The following C1QTNF4 variants were observed in gnomAD, a reference collection of about 807,000 sequenced individuals.
C1QTNF4 encodes the protein complement C1q tumor necrosis factor-related protein 4.
In C1QTNF4, 12 loss-of-function variants were observed where a neutral mutation model predicts 14.6. The observed-to-expected ratio is 0.82, with a 90% CI of 0.53 to 1.33. The LOEUF (loss-of-function observed/expected upper bound fraction) is 1.33. Among genes scored for constraint, C1QTNF4 ranks in the 40% most tolerant of loss-of-function variants. The probability of loss-of-function intolerance (pLI) is 0.00; values close to 1 mark genes in which losing one functional copy is unlikely to be tolerated. For missense variants in C1QTNF4, 558 were observed against 500.3 expected, an observed-to-expected ratio of 1.12 and a Z score of -1.10; for synonymous variants, 278 against 246.6, an observed-to-expected ratio of 1.13 and a Z score of -1.19.
chr11:47,592,314 G>T (rs2153796163), intron 1 of C1QTNF4, among the ~76,000 whole-genome samples: 1 of 152,286 alleles, frequency 6.6e-6, no homozygotes, highest in South Asian at 2.1e-4. Context: ...GTGAAACCTT[G>T]GGCAGGTTCC....
In C1QTNF4 at chr11:47,590,174, C is replaced by A. The variant is rs1407002241; in HGVS notation, c.637G>T (p.Asp213Tyr). ...AACACGCCGGCCGCCGCGTCGAAGT[C>A]GCCGCCAATGTTGACGAACTCGGTG... ...FDTEFVNIGG[D>Y]FDAAAGVFRC... The change falls in exon 2 of 2, where the codon GAC (aspartate) becomes TAC (tyrosine). Residue 213 changes from aspartate to tyrosine, a missense_variant. Coordinates refer to ENST00000302514, the MANE Select transcript of C1QTNF4 (RefSeq NM_031909.3). The A allele has an allele frequency of 6.2e-7, 1 of 1,600,258 alleles. No individual in the cohort carries two copies. The highest frequency in any genetic ancestry group is 1.7e-5 in the Admixed American group (1 of 58,098).
chr11:47,590,238 G>A lies in C1QTNF4; in HGVS notation c.573C>T (p.Asp191=), dbSNP rs770728499. 2 of 1,503,104 alleles carry A rather than the reference G, an allele frequency of 1.3e-6. No individual in the cohort carries two copies. The highest frequency in any genetic ancestry group is 1.8e-6 in the Non-Finnish European group (2 of 1,134,764). The allele number at this position is 1,503,104 out of a possible 1,614,324, so 93.1% of individuals were successfully genotyped here. A position where few individuals can be genotyped will look rare whatever the true frequency, so the allele number is the denominator to read the frequency against. Residue 191 remains aspartate, a synonymous_variant, in exon 2 of 2, where the codon GAC becomes GAT. Transcript: ENST00000302514. ...GTTGGTGCCGCGGCCCGGGGCCAGCGTCCGAGCCCACCAAGCTGCGCGTGC... is the reference window on the plus strand; with the variant it reads ...GTTGGTGCCGCGGCCCGGGGCCAGCATCCGAGCCCACCAAGCTGCGCGTGC... ...AARTRSLVGS[D]AGPGPRHQPL...
In C1QTNF4 at chr11:47,589,785, CCCCTGGCCCTCCCGGGCTCTT is replaced by C; in HGVS notation, c.*15_*35del. 5 of 1,470,280 alleles carry C rather than the reference CCCCTGGCCCTCCCGGGCTCTT, an allele frequency of 3.4e-6. No individual in the cohort carries two copies. The South Asian group carries it at 4.2e-5, about 12-fold the overall frequency. The allele number at this position is 1,470,280 out of a possible 1,614,324, so 91.1% of individuals were successfully genotyped here. A position where few individuals can be genotyped will look rare whatever the true frequency, so the allele number is the denominator to read the frequency against. ...CCTCCGGCCCGGCCTGGCATGCACG[CCCCTGGCCCTCCCGGGCTCTT>C]CTCTGGCCCGGGGCTCACAGTAGCT... On this transcript the variant is annotated 3_prime_UTR_variant, in exon 2 of 2. Coordinates refer to ENST00000302514, the MANE Select transcript of C1QTNF4 (RefSeq NM_031909.3).
chr11:47,589,923 G>A lies in C1QTNF4; in HGVS notation c.888C>T (p.Ala296=), dbSNP rs774019134. ...TGATGTACTTGCCGTGGTTGCTGTA[G>A]GCGCCGTAGCCGTCGTGGTCGTGGC... ...LLSHDHDGYG[A]YSNHGKYITF... Residue 296 remains alanine, a synonymous_variant, in exon 2 of 2, where the codon GCC becomes GCT. Coordinates refer to ENST00000302514, the MANE Select transcript of C1QTNF4 (RefSeq NM_031909.3). 2 of 1,601,716 alleles carry A rather than the reference G, an allele frequency of 1.2e-6. No individual in the cohort carries two copies. The highest frequency in any genetic ancestry group is 2.3e-5 in the East Asian group (1 of 43,840).
In C1QTNF4 at chr11:47,589,881, C is replaced by T. The variant is rs1565947627; in HGVS notation, c.930G>A (p.Leu310=). Residue 310 remains leucine, a synonymous_variant, in exon 2 of 2, where the codon CTG becomes CTA. Transcript: ENST00000302514. ...CGGCGGGGGCGAGGTCGGGGTACAC[C>T]AGGAAGCCGGAGAAGGTGATGTACT... The part of the protein sequence containing the change: ...HGKYITFSGF[L]VYPDLAPAAP... The T allele has an allele frequency of 6.4e-7, 1 of 1,561,156 alleles. No homozygotes were observed. Among genetic ancestry groups the T allele is most frequent in the South Asian group, 1.2e-5 (1 of 85,980 alleles).
At chr11:47,590,973 G>T (rs1480559978) in intron 1 of C1QTNF4, among the ~76,000 whole-genome samples, 158 bp from the exon 2 acceptor site, 3 of 152,146 alleles carry the variant, frequency 2.0e-5, no homozygotes, top group Admixed American at 1.3e-4. Context: ...AAACTCTAGC[G>T]AGCCTCACTG....
At position 47,590,014 on chromosome 11, in the gene C1QTNF4, C is replaced by T. The variant is rs2097274333; in HGVS notation, c.797G>A (p.Arg266His). The part of the protein sequence containing the change: ...AMIYDDGASR[R>H]REMQSQSVML... ...CACGCTCTGGCTCTGCATCTCGCGG[C>T]GCCGCGACGCGCCGTCGTCGTAAAT... Residue 266 changes from arginine to histidine, a missense_variant, in exon 2 of 2, where the codon CGC becomes CAC. Coordinates refer to ENST00000302514, the MANE Select transcript of C1QTNF4 (RefSeq NM_031909.3). 1 of 1,611,576 alleles carries T rather than the reference C, an allele frequency of 6.2e-7. No individual in the cohort carries two copies. The highest frequency in any genetic ancestry group is 2.2e-5 in the East Asian group (1 of 44,744).
Position 47,589,820 on chromosome 11 carries a change from C to T in C1QTNF4, c.*1G>A. Reference sequence around the variant, plus strand: ...TCCCGGGCTCTTCTCTGGCCCGGGGCTCACAGTAGCTCCGAGGCCCCGAGG... The same window carrying T: ...TCCCGGGCTCTTCTCTGGCCCGGGGTTCACAGTAGCTCCGAGGCCCCGAGG... On this transcript the variant is annotated 3_prime_UTR_variant, in exon 2 of 2. Transcript: ENST00000302514. 6.5e-7 allele frequency: 1 copy of T among 1,528,926 alleles called. No individual in the cohort carries two copies. Among genetic ancestry groups the T allele is most frequent in the Non-Finnish European group, 8.8e-7 (1 of 1,135,582 alleles). The allele number at this position is 1,528,926 out of a possible 1,614,324, so 94.7% of individuals were successfully genotyped here.
intron 1 of C1QTNF4, among the ~76,000 whole-genome samples, chr11:47,593,258 G>C (rs2097276477): frequency 6.6e-6 from 1 of 152,194 alleles, no homozygotes; most frequent in East Asian, 1.9e-4. Context: ...CAGCCAATTT[G>C]TTCTGTGCCT....
intron 1 of C1QTNF4, 88 bp from the exon 2 acceptor site, chr11:47,590,903 T>C: frequency 2.8e-6 from 4 of 1,426,460 alleles, no homozygotes; most frequent in Non-Finnish European, 3.7e-6. Context: ...AAGGGTTCTC[T>C]TCCCAGCCCT....
chr11:47,590,747 C>CG lies in C1QTNF4; in HGVS notation c.63dup (p.Gly22ArgfsTer6). ...GAGCGCAGCTCAGAGGATCCCGGGC[C>CG]GGGGGTCGGGCCCAGGGCCCAGCAG... On this transcript the variant is annotated frameshift_variant, in exon 2 of 2. Transcript: ENST00000302514. LOFTEE classifies it high-confidence loss of function. 6.3e-7 allele frequency: 1 copy of CG among 1,598,406 alleles called. No individual in the cohort carries two copies. Among genetic ancestry groups the CG allele is most frequent in the Admixed American group, 1.7e-5 (1 of 58,200 alleles).
Position 47,590,329 on chromosome 11 carries a change from T to A in C1QTNF4, c.482A>T (p.Asp161Val). Reference protein sequence around the residue: ...FSGYLVYADADADAPARGPPA... With the variant: ...FSGYLVYADAVADAPARGPPA... The stretch of plus-strand genomic sequence containing the variant: ...CGGCCCGCGCGCAGGCGCGTCAGCG[T>A]CGGCGTCGGCGTAGACTAGGTAGCC... The change falls in exon 2 of 2, where the codon GAC becomes GTC. Residue 161 changes from aspartate (D) to valine (V), a missense_variant. By Grantham distance (152) the Asp-to-Val change is radical. Coordinates refer to ENST00000302514, the MANE Select transcript of C1QTNF4 (RefSeq NM_031909.3). 7.8e-7 allele frequency: 1 copy of A among 1,286,574 alleles called. No individual in the cohort carries two copies. The highest frequency in any genetic ancestry group is 9.8e-7 in the Non-Finnish European group (1 of 1,018,072). 79.7% of individuals were successfully genotyped at this position (1,286,574 alleles called of 1,614,324 possible).
intron 1 of C1QTNF4, 70 bp from the exon 2 acceptor site, chr11:47,590,885 C>T (rs1445785844): frequency 7.7e-6 from 11 of 1,430,526 alleles, no homozygotes; most frequent in East Asian, 2.5e-5. Flanking sequence ...GGCTCTCCAC[C>T]GGGAGACAAG....
chr11:47,595,042 A>G (rs1265306223), upstream of C1QTNF4, among the ~76,000 whole-genome samples: 5 of 151,988 alleles, frequency 3.3e-5, no homozygotes, highest in African/African-American at 9.7e-5. Context: ...TGAGAGGGCA[A>G]TAGGTGGGGA....
At position 47,590,293 on chromosome 11, in the gene C1QTNF4, G is replaced by T. The variant is rs1191906443; in HGVS notation, c.518C>A (p.Pro173His). 57 of 1,167,842 alleles carry T rather than the reference G, an allele frequency of 4.9e-5. No homozygotes were observed. Among genetic ancestry groups the T allele is most frequent in the East Asian group, 1.8e-4 (4 of 22,232 alleles). 72.3% of individuals were successfully genotyped at this position (1,167,842 alleles called of 1,614,324 possible). A position where few individuals can be genotyped will look rare whatever the true frequency, so the allele number is the denominator to read the frequency against. The part of the protein sequence containing the change: ...DAPARGPPAP[P>H]EPRSAFSAAR... ...CGCCGAGAAGGCCGAGCGCGGCTCGGGGGGCGCGGGCGGCCCGCGCGCAGG... is the reference window on the plus strand; with the variant it reads ...CGCCGAGAAGGCCGAGCGCGGCTCGTGGGGCGCGGGCGGCCCGCGCGCAGG... Residue 173 changes from proline (P) to histidine (H), a missense_variant, in exon 2 of 2, where the codon CCC becomes CAC. Coordinates refer to ENST00000302514, the MANE Select transcript of C1QTNF4 (RefSeq NM_031909.3).
rs1469197291 is a variant in C1QTNF4, at chr11:47,590,541, C to A, written c.270G>T (p.Leu90=). Residue 90 remains leucine (L), a synonymous_variant, in exon 2 of 2, where the codon CTG becomes CTT. Coordinates refer to ENST00000302514, the MANE Select transcript of C1QTNF4 (RefSeq NM_031909.3). ...FTAGKAPHKS[L]SVMLVRNRDE... is the part of the protein sequence containing the mutation. ...CGCGGTTTCGCACCAGCATCACCGACAGGCTCTTGTGCGGGGCCTTGCCAG... is the reference window on the plus strand; with the variant it reads ...CGCGGTTTCGCACCAGCATCACCGAAAGGCTCTTGTGCGGGGCCTTGCCAG... 1.3e-6 allele frequency: 2 copies of A among 1,599,390 alleles called. No homozygotes were observed. Among genetic ancestry groups the A allele is most frequent in the Non-Finnish European group, 1.7e-6 (2 of 1,174,032 alleles).
intron 1 of C1QTNF4, among the ~76,000 whole-genome samples, chr11:47,593,255 T>G (rs986052344): frequency 2.6e-5 from 4 of 152,186 alleles, no homozygotes; most frequent in Admixed American, 6.5e-5. Flanking sequence ...GTCCAGCCAA[T>G]TTGTTCTGTG....
rs1477108904 is a variant in C1QTNF4 at position 47,594,405 on chromosome 11, C to CGAAGAGGCGGGGGAGA, written c.-264_-263insTCTCCCCCGCCTCTTC. 4 of 142,724 alleles carry CGAAGAGGCGGGGGAGA rather than the reference C, an allele frequency of 2.8e-5. No homozygotes were observed. Among genetic ancestry groups the CGAAGAGGCGGGGGAGA allele is most frequent in the African/African-American group, 1.1e-4 (4 of 37,758 alleles). 8.8% of individuals were successfully genotyped at this position (142,724 alleles called of 1,614,324 possible). A position where few individuals can be genotyped will look rare whatever the true frequency, so the allele number is the denominator to read the frequency against. ...AGCTAGAGAGGGAGCCGAGCGAGAG[C>CGAAGAGGCGGGGGAGA]GAAGAGGCGGGGGAGAGACGGGAGG... On this transcript the variant is annotated 5_prime_UTR_variant, in exon 1 of 2. Coordinates refer to ENST00000302514, the MANE Select transcript of C1QTNF4 (RefSeq NM_031909.3).
Position 47,590,510 on chromosome 11 carries a change from C to T in C1QTNF4, c.301G>A (p.Val101Met). 2 of 1,571,932 alleles carry T rather than the reference C, an allele frequency of 1.3e-6. No homozygotes were observed. Among genetic ancestry groups the T allele is most frequent in the Non-Finnish European group, 1.7e-6 (2 of 1,160,352 alleles). Reference sequence around the variant, plus strand: ...TGCTCGTCGAAGGCCAGCGCCTGCACCTCGTCGCGGTTTCGCACCAGCATC... The same window carrying T: ...TGCTCGTCGAAGGCCAGCGCCTGCATCTCGTCGCGGTTTCGCACCAGCATC... ...SVMLVRNRDEVQALAFDEQRR... is the reference protein window; with the variant it reads ...SVMLVRNRDEMQALAFDEQRR... Residue 101 changes from valine to methionine, a missense_variant, in exon 2 of 2, where the codon GTG becomes ATG. Coordinates refer to ENST00000302514, the MANE Select transcript of C1QTNF4 (RefSeq NM_031909.3).
Sources: allele counts gnomAD v4.1 joint callset (sites outside exome capture counted in the v4.1 genomes callset), GRCh38; gene constraint gnomAD v4.1.1; transcripts MANE v1.5; gene names NCBI Gene and HGNC (gene_info 2026-07-23, HGNC 2026-07-21).